UGT1A10: variants seen among roughly 807,000 people sequenced by gnomAD.
UGT1A10 encodes the protein UDP glucuronosyltransferase family 1 member A10.
In UGT1A10, 49 loss-of-function variants were observed where a neutral mutation model predicts 45.8. The observed-to-expected ratio is 1.07, with a 90% CI of 0.85 to 1.36. The LOEUF (loss-of-function observed/expected upper bound fraction) is 1.36, where lower values mean the gene tolerates loss of function less well. Ranked by LOEUF, UGT1A10 falls within the 40% of genes most tolerant of loss-of-function variation. The probability of loss-of-function intolerance (pLI) is 0.00; values close to 1 mark genes in which losing one functional copy is unlikely to be tolerated. For missense variants in UGT1A10, 745 were observed against 668.6 expected (o/e 1.11, Z -1.26); for synonymous variants, 284 against 249.7 (o/e 1.14, Z -1.29).
At chr2:233,679,084 A>G (rs557952214) in intron 1 of UGT1A10, among the ~76,000 whole-genome samples, 1 of 152,162 alleles carries the variant, frequency 6.6e-6, no homozygotes, top group South Asian at 2.1e-4. Flanking sequence ...AACCTTTTCC[A>G]TAGAAAACTG....
chr2:233,708,617 A>T (rs1206413155), intron 1 of UGT1A10: 2 of 152,068 alleles, frequency 1.3e-5, no homozygotes, highest in African/African-American at 4.8e-5. Flanking sequence ...TGGACATGGT[A>T]GCGTGTGCCT....
intron 1 of UGT1A10, among the ~76,000 whole-genome samples, chr2:233,671,593 C>A (rs535269675): frequency 4.9e-4 from 75 of 152,164 alleles, no homozygotes; most frequent in Non-Finnish European, 9.0e-4. Context: ...TAGCTTTAAT[C>A]AAATTTACTT....
Position 233,729,005 on chromosome 2 carries a change from CTG to C in UGT1A10, c.856-38027_856-38026del, listed in dbSNP as rs1444389059. ...TAATAATTAACTAGAGGAGGGCACT[CTG>C]TCTTCCAATTACACGTTGATTTGCT... On this transcript the variant is annotated intron_variant, in intron 1 of 4. Coordinates refer to ENST00000344644, the MANE Select transcript of UGT1A10 (RefSeq NM_019075.4). The C allele has an allele frequency of 3.2e-6, 5 of 1,574,922 alleles. No individual in the cohort carries two copies. In the East Asian group the frequency reaches 1.1e-4, roughly 36 times the overall value.
At chr2:233,679,847 T>C (rs1226172483) in intron 1 of UGT1A10, among the ~76,000 whole-genome samples, 1 of 152,204 alleles carries the variant, frequency 6.6e-6, no homozygotes, top group Non-Finnish European at 1.5e-5. Context: ...TCAAATCACA[T>C]TGGCATCTAT....
At chr2:233,653,476 C>CT (rs1410968248) in intron 1 of UGT1A10, among the ~76,000 whole-genome samples, 1 of 152,176 alleles carries the variant, frequency 6.6e-6, no homozygotes, top group African/African-American at 2.4e-5. Context: ...AGGTTTGCAG[C>CT]TTTGATCATC....
chr2:233,772,314 G>C lies in UGT1A10; in HGVS notation c.1348G>C (p.Glu450Gln), dbSNP rs1312404188. 1.9e-6 allele frequency: 3 copies of C among 1,614,222 alleles called. No homozygotes were observed. In the East Asian group the frequency reaches 6.7e-5, roughly 36 times the overall value. The change falls in exon 5 of 5, where the codon GAG becomes CAG. Residue 450 changes from glutamate (E) to glutamine (Q), a missense_variant. Coordinates refer to ENST00000344644, the MANE Select transcript of UGT1A10 (RefSeq NM_019075.4). ...LSSLHKDRPV[E>Q]PLDLAVFWVE... Reference sequence around the variant, plus strand: ...CAGCCTTCACAAGGACCGCCCGGTGGAGCCGCTGGACCTGGCCGTGTTCTG... The same window carrying C: ...CAGCCTTCACAAGGACCGCCCGGTGCAGCCGCTGGACCTGGCCGTGTTCTG...
chr2:233,683,521 TG>T, intron 1 of UGT1A10, among the ~76,000 whole-genome samples: 1 of 152,314 alleles, frequency 6.6e-6, no homozygotes, highest in Non-Finnish European at 1.5e-5. Flanking sequence ...TGAGTATGGT[TG>T]CTTGGTTTTC....
intron 1 of UGT1A10, among the ~76,000 whole-genome samples, chr2:233,642,870 G>T (rs2073488866): frequency 6.6e-6 from 1 of 151,140 alleles, no homozygotes; most frequent in African/African-American, 2.4e-5. Flanking sequence ...AAAATACAGA[G>T]TCTCTCTCTC....
chr2:233,713,342 GAAC>G, intron 1 of UGT1A10: 1 of 1,614,196 alleles, frequency 6.2e-7, no homozygotes, highest in Non-Finnish European at 8.5e-7. Context: ...TGGCAATTAT[GAAC>G]AATATGTCTT....
chr2:233,668,924 C>T (rs1406850907), intron 1 of UGT1A10, among the ~76,000 whole-genome samples: 2 of 152,200 alleles, frequency 1.3e-5, no homozygotes, highest in African/African-American at 4.8e-5. Context: ...GTTTTGATTA[C>T]TTTGTCAGTT....
At chr2:233,718,140 TC>T (rs2125658372) in intron 1 of UGT1A10, 1 of 233,266 alleles carries the variant, frequency 4.3e-6, no homozygotes, top group African/African-American at 2.2e-5. Context: ...TGGAGAATCC[TC>T]AATAAAGCCT....
intron 1 of UGT1A10, among the ~76,000 whole-genome samples, chr2:233,645,624 G>A (rs939196141): frequency 6.6e-6 from 1 of 152,214 alleles, no homozygotes; most frequent in Admixed American, 6.5e-5. Flanking sequence ...AAATCCGGCA[G>A]GGCAGTCAAA....
intron 1 of UGT1A10, among the ~76,000 whole-genome samples, chr2:233,665,064 C>T (rs2074044627): frequency 6.6e-6 from 1 of 152,150 alleles, no homozygotes; most frequent in Non-Finnish European, 1.5e-5. Context: ...TTATTTTATG[C>T]ATATGCAGAT....
At chr2:233,753,361 T>G (rs1274018871) in intron 1 of UGT1A10, 1 of 152,246 alleles carries the variant, frequency 6.6e-6, no homozygotes, top group Admixed American at 6.5e-5. Context: ...ATTACTTGGG[T>G]GCCATTCCAT....
intron 1 of UGT1A10, among the ~76,000 whole-genome samples, chr2:233,664,194 T>C (rs943927746): frequency 1.3e-5 from 2 of 152,180 alleles, no homozygotes; most frequent in Non-Finnish European, 2.9e-5. Context: ...CCCTCACTGC[T>C]GATTTTTCTA....
rs971663174 is a variant in UGT1A10 at position 233,648,974 on chromosome 2, A to G, written c.855+11597A>G. 1.0e-5 allele frequency: 15 copies of G among 1,439,980 alleles called. No individual in the cohort carries two copies. The African/African-American group carries it at 1.5e-4, about 15-fold the overall frequency. The allele number at this position is 1,439,980 out of a possible 1,614,324, so 89.2% of individuals were successfully genotyped here. A position where few individuals can be genotyped will look rare whatever the true frequency, so the allele number is the denominator to read the frequency against. ...GAGTATCCCAAACCTGTGATGCCCA[A>G]TATGATCTTCATTGGTGGTATCAAC... On this transcript the variant is annotated intron_variant, in intron 1 of 4. Coordinates refer to ENST00000344644, the MANE Select transcript of UGT1A10 (RefSeq NM_019075.4).
In UGT1A10 at chr2:233,645,319, G is replaced by A. The variant is rs574753987; in HGVS notation, c.855+7942G>A. On this transcript the variant is annotated intron_variant, in intron 1 of 4. Transcript: ENST00000344644. The stretch of plus-strand genomic sequence containing the variant: ...TACAATTCAAGATGAGATTTAGGTG[G>A]GGACACAGCCAAACCATATGATTCC... Among the ~76,000 whole-genome samples, 7 of 152,130 alleles carry A rather than the reference G, an allele frequency of 4.6e-5. No individual in the cohort carries two copies. In the South Asian group the frequency reaches 1.5e-3, roughly 32 times the overall value.
intron 1 of UGT1A10, among the ~76,000 whole-genome samples, chr2:233,643,542 C>G (rs573590520): frequency 2.6e-5 from 4 of 152,188 alleles, no homozygotes; most frequent in African/African-American, 9.6e-5. Context: ...TGCTCTATCC[C>G]CCTGCAGCAG....
At chr2:233,675,819 C>G (rs934785521) in intron 1 of UGT1A10, among the ~76,000 whole-genome samples, 14 of 152,098 alleles carry the variant, frequency 9.2e-5, no homozygotes, top group African/African-American at 3.4e-4. Context: ...CTTGGCATGT[C>G]ATTCCATCAC....
Sources: allele counts gnomAD v4.1 joint callset (sites outside exome capture counted in the v4.1 genomes callset), GRCh38; gene constraint gnomAD v4.1.1; transcripts MANE v1.5; gene names NCBI Gene and HGNC (gene_info 2026-07-23, HGNC 2026-07-21).